The following GABRG3 variants were observed in gnomAD, a reference collection of about 807,000 sequenced individuals.
GABRG3 encodes the protein gamma-aminobutyric acid type A receptor subunit gamma3, also known as gamma-aminobutyric acid receptor subunit gamma-3.
Under a neutral mutation model 48.8 loss-of-function variants are expected in GABRG3, and 25 were observed. The ratio of observed to expected loss-of-function variants is 0.51; its 90% CI spans 0.37 to 0.72. GABRG3 has a LOEUF of 0.72. Ranked by LOEUF, GABRG3 falls within the 30% of genes least tolerant of loss-of-function variation. The probability of loss-of-function intolerance (pLI) is 0.00; values close to 1 mark genes in which losing one functional copy is unlikely to be tolerated. For synonymous variants in GABRG3, 227 were observed against 217.6 expected, an observed-to-expected ratio of 1.04 and a Z score of -0.38; for missense variants, 394 against 577.9, an observed-to-expected ratio of 0.68 and a Z score of 3.26.
chr15:27,429,723 A>G (rs1271067305), intron 5 of GABRG3, among the ~76,000 whole-genome samples: 1 of 152,144 alleles, frequency 6.6e-6, no homozygotes, highest in Non-Finnish European at 1.5e-5. Context: ...TGGTTTGTCT[A>G]CCTCATAGCT....
At chr15:27,220,091 T>G (rs1489890103) in intron 3 of GABRG3, among the ~76,000 whole-genome samples, 2 of 152,142 alleles carry the variant, frequency 1.3e-5, no homozygotes, top group African/African-American at 4.8e-5. Context: ...GATGGGCAGC[T>G]CACACCTAAC....
intron 6 of GABRG3, among the ~76,000 whole-genome samples, chr15:27,498,814 G>A (rs972264274): frequency 9.2e-5 from 14 of 152,102 alleles, no homozygotes; most frequent in Non-Finnish European, 1.8e-4. Context: ...CCAGATGTGG[G>A]TTCATCTTTG....
chr15:27,168,408 G>C (rs1202127424), intron 3 of GABRG3, among the ~76,000 whole-genome samples: 5 of 152,178 alleles, frequency 3.3e-5, no homozygotes, highest in Non-Finnish European at 4.4e-5. Flanking sequence ...CCCCTGTGAA[G>C]GGCACAACGT....
rs2140638312 is a variant in GABRG3, at chr15:27,447,277, C to T, written c.575-33373C>T. On this transcript the variant is annotated intron_variant, in intron 5 of 9. Transcript: ENST00000615808. This position sits in a 1 kb window ranked among gnomAD's most constrained non-coding sequence, Gnocchi z 4.0. Reference sequence around the variant, plus strand: ...CATGTCCCAGAAGCATCAGACTAACCTGCAGCACCCCAGGGAAAGGAGTCG... The same window carrying T: ...CATGTCCCAGAAGCATCAGACTAACTTGCAGCACCCCAGGGAAAGGAGTCG... 6.6e-6 allele frequency among the ~76,000 whole-genome samples: 1 copy of T among 152,114 alleles called. No individual in the cohort carries two copies. The highest frequency in any genetic ancestry group is 1.9e-4 in the East Asian group (1 of 5,190).
intron 3 of GABRG3, among the ~76,000 whole-genome samples, chr15:27,249,150 G>A (rs543444757): frequency 3.7e-4 from 57 of 152,302 alleles, no homozygotes; most frequent in African/African-American, 1.2e-3. Context: ...ATGCGGCTGC[G>A]GGAGGTGGTG....
intron 3 of GABRG3, among the ~76,000 whole-genome samples, chr15:27,052,840 A>G (rs940391063): frequency 2.6e-5 from 4 of 152,228 alleles, no homozygotes; most frequent in Non-Finnish European, 5.9e-5. Flanking sequence ...AATAGAGTAG[A>G]TAACCCAGAA....
At chr15:26,973,297 C>T (rs148813747) in intron 1 of GABRG3, among the ~76,000 whole-genome samples, 2 of 152,214 alleles carry the variant, frequency 1.3e-5, no homozygotes, top group Non-Finnish European at 2.9e-5. Flanking sequence ...ATTCTTCATC[C>T]TTCCATTCTA....
At chr15:27,056,353 CAAAAAAAA>C (rs58665097) in intron 3 of GABRG3, among the ~76,000 whole-genome samples, 2 of 57,162 alleles carry the variant, frequency 3.5e-5, no homozygotes, top group Non-Finnish European at 7.2e-5. Context: ...ACCCTGTCTC[CAAAAAAAA>C]AAAAAAAAAA....
At chr15:27,453,598 CTTGTTTGT>C (rs537480795) in intron 5 of GABRG3, among the ~76,000 whole-genome samples, 1 of 152,012 alleles carries the variant, frequency 6.6e-6, no homozygotes, top group South Asian at 2.1e-4. Context: ...TTATTCTTTT[CTTGTTTGT>C]TTGTTTGTTT....
chr15:27,367,190 C>G (rs1895235455), intron 5 of GABRG3, among the ~76,000 whole-genome samples: 1 of 152,158 alleles, frequency 6.6e-6, no homozygotes, highest in African/African-American at 2.4e-5. Context: ...CTCACTACCT[C>G]CCTCCCCCTA....
chr15:27,305,568 G>T (rs1426141960), intron 3 of GABRG3, among the ~76,000 whole-genome samples: 5 of 138,616 alleles, frequency 3.6e-5, no homozygotes, highest in African/African-American at 1.1e-4. Context: ...AAACCTACGT[G>T]TTTATATATA....
chr15:27,065,985 A>G (rs1195966071), intron 3 of GABRG3, among the ~76,000 whole-genome samples: 1 of 152,186 alleles, frequency 6.6e-6, no homozygotes, highest in Non-Finnish European at 1.5e-5. Flanking sequence ...GGAAGATGAC[A>G]TTTGCCTCCT....
At chr15:27,012,805 TTG>T (rs1397217491) in intron 2 of GABRG3, among the ~76,000 whole-genome samples, 1 of 152,192 alleles carries the variant, frequency 6.6e-6, no homozygotes, top group African/African-American at 2.4e-5. Context: ...AGTGGAGACT[TTG>T]TGTCTTGATT....
intron 5 of GABRG3, chr15:27,364,274 G>T (rs533577695): frequency 2.0e-5 from 3 of 152,394 alleles, no homozygotes; most frequent in African/African-American, 7.2e-5. Flanking sequence ...CATTTAATTT[G>T]TGCAGCAGTC....
intron 3 of GABRG3, among the ~76,000 whole-genome samples, chr15:27,176,168 T>A (rs1284634846): frequency 1.3e-5 from 2 of 152,220 alleles, no homozygotes; most frequent in Admixed American, 6.5e-5. Context: ...TAATGTGTAA[T>A]GTGAATTTCT....
intron 3 of GABRG3, among the ~76,000 whole-genome samples, chr15:27,213,332 A>G (rs1202462554): frequency 6.6e-6 from 1 of 152,194 alleles, no homozygotes; most frequent in Non-Finnish European, 1.5e-5. Flanking sequence ...TTTATTTGCA[A>G]TTCTAGAATT....
chr15:26,979,474 G>A (rs1190906486), intron 2 of GABRG3, among the ~76,000 whole-genome samples: 3 of 152,018 alleles, frequency 2.0e-5, no homozygotes, highest in African/African-American at 7.3e-5. Flanking sequence ...ATATTAGCTG[G>A]AGGTATTTTG....
chr15:27,001,903 T>TTTTTTTTTTTTTA (rs1895456001), intron 2 of GABRG3, among the ~76,000 whole-genome samples: 1 of 151,240 alleles, frequency 6.6e-6, no homozygotes, highest in Non-Finnish European at 1.5e-5. Flanking sequence ...TTTTTTTTTT[T>TTTTTTTTTTTTTA]AAGATATGGT....
chr15:27,256,178 C>T lies in GABRG3; in HGVS notation c.271-70631C>T, dbSNP rs565864204. Among the ~76,000 whole-genome samples, 5 of 152,232 alleles carry T rather than the reference C, an allele frequency of 3.3e-5. No individual in the cohort carries two copies. The Middle Eastern group carries it at 0.01, about 311-fold the overall frequency. On this transcript the variant is annotated intron_variant, in intron 3 of 9. Coordinates refer to ENST00000615808, the MANE Select transcript of GABRG3 (RefSeq NM_033223.5). ...GACAGAGGGGCCGGGTGTGGTGGCT[C>T]ATGCCTGTAATCCCAGCACTTTGGG...
Sources: allele counts gnomAD v4.1 joint callset (sites outside exome capture counted in the v4.1 genomes callset), GRCh38; gene constraint gnomAD v4.1.1; non-coding constraint Gnocchi (gnomAD v3.1); transcripts MANE v1.5; gene names NCBI Gene and HGNC (gene_info 2026-07-23, HGNC 2026-07-21).